B4GALT6: variants seen among roughly 807,000 people sequenced by gnomAD.
B4GALT6 encodes the protein beta-1,4-galactosyltransferase 6, also known as UDP-Gal:beta-GlcNAc beta-1,4-galactosyltransferase 6.
B4GALT6 carries 14 observed loss-of-function variants against 46.3 expected under a neutral mutation model. The observed-to-expected ratio is 0.30, with a 90% CI of 0.20 to 0.47. The LOEUF (loss-of-function observed/expected upper bound fraction) is 0.47. B4GALT6 is among the 20% of genes least tolerant of loss of function. B4GALT6 has a pLI of 0.99. For missense variants in B4GALT6, 386 were observed against 480.1 expected (o/e 0.80, Z 1.83); for synonymous variants, 168 against 162.0 (o/e 1.04, Z -0.28).
At chr18:31,638,569 A>G in intron 5 of B4GALT6, 75 bp downstream of exon 5, 1 of 1,190,862 alleles carries the variant, frequency 8.4e-7, no homozygotes, top group Non-Finnish European at 1.2e-6. Context: ...ATTAATCCTA[A>G]ATATGTTTAA....
the B4GALT6 span, among the ~76,000 whole-genome samples, chr18:31,715,370 C>A: frequency 6.6e-6 from 1 of 151,948 alleles, no homozygotes; most frequent in Non-Finnish European, 1.5e-5. Context: ...GGACTACAGG[C>A]ATGTACCAGC....
upstream of B4GALT6, among the ~76,000 whole-genome samples, chr18:31,685,463 G>C (rs868560250): frequency 6.6e-5 from 10 of 151,524 alleles, no homozygotes; most frequent in African/African-American, 2.4e-4. Flanking sequence ...CGCTCGCTCG[G>C]AACTCGGCAG....
intron 1 of B4GALT6, among the ~76,000 whole-genome samples, chr18:31,682,831 T>C (rs1042310100): frequency 3.3e-5 from 5 of 152,156 alleles, no homozygotes; most frequent in African/African-American, 9.7e-5. Context: ...AAAATTGCTA[T>C]AGAATGAAGA....
chr18:31,717,654 T>C, the B4GALT6 span, among the ~76,000 whole-genome samples: 1 of 152,264 alleles, frequency 6.6e-6, no homozygotes, highest in Middle Eastern at 3.4e-3. Flanking sequence ...ATACCATTTT[T>C]GTAAAAAAAT....
intron 3 of B4GALT6, among the ~76,000 whole-genome samples, chr18:31,656,708 G>T (rs1281411140): frequency 2.0e-5 from 3 of 151,920 alleles, no homozygotes; most frequent in Admixed American, 1.3e-4. Context: ...ATTTGAAAAG[G>T]TCATAATTTT....
intron 1 of B4GALT6, among the ~76,000 whole-genome samples, chr18:31,669,163 G>A (rs1250964897): frequency 3.9e-5 from 6 of 152,138 alleles, no homozygotes; most frequent in African/African-American, 1.2e-4. Context: ...ATACAATTTG[G>A]AGTATTTTGT....
At chr18:31,673,315 G>A (rs1316314577) in intron 1 of B4GALT6, among the ~76,000 whole-genome samples, 1 of 152,076 alleles carries the variant, frequency 6.6e-6, no homozygotes, top group Non-Finnish European at 1.5e-5. Context: ...TCATTGTGAG[G>A]ATGAGACATA....
rs376728618 is a variant in B4GALT6, at chr18:31,664,730, C to A, written c.232+1526G>T. On this transcript the variant is annotated intron_variant, in intron 2 of 8. Transcript: ENST00000306851. ...ATTTCCTTTCAGTTGAACAAACTTTCAGTGAACATTTTTACAATCAACTTA... is the reference window on the plus strand; with the variant it reads ...ATTTCCTTTCAGTTGAACAAACTTTAAGTGAACATTTTTACAATCAACTTA... 1.5e-4 allele frequency among the ~76,000 whole-genome samples: 23 copies of A among 152,310 alleles called. No homozygotes were observed. In the South Asian group the frequency reaches 1.7e-3, roughly 11 times the overall value.
chr18:31,703,089 TA>T, the B4GALT6 span, among the ~76,000 whole-genome samples: 11 of 152,012 alleles, frequency 7.2e-5, no homozygotes, highest in East Asian at 3.9e-4. Context: ...ATTCTTTTGA[TA>T]AAAAAAATAG....
the B4GALT6 span, among the ~76,000 whole-genome samples, chr18:31,715,572 T>C: frequency 9.7e-6 from 1 of 102,574 alleles, no homozygotes; most frequent in Non-Finnish European, 1.8e-5. Context: ...TTTTTTGAGA[T>C]GGAGTTTCGC....
the B4GALT6 span, among the ~76,000 whole-genome samples, chr18:31,709,593 GTGTGTGTGTGTATA>G: frequency 5.3e-4 from 35 of 65,568 alleles, no homozygotes; most frequent in African/African-American, 1.4e-3. Context: ...GTGTGTGTGT[GTGTGTGTGTGTATA>G]TATATATCCT....
At chr18:31,684,812 G>A (rs927246104), upstream of B4GALT6, 2 of 1,018,520 alleles carry the variant, frequency 2.0e-6, no homozygotes, top group East Asian at 9.0e-5. Context: ...GCGCCGCGGC[G>A]CCCCTGCGGA....
chr18:31,687,965 AT>A, upstream of B4GALT6, among the ~76,000 whole-genome samples: 1 of 152,006 alleles, frequency 6.6e-6, no homozygotes, highest in Non-Finnish European at 1.5e-5. Context: ...AAAATATCTA[AT>A]TTTTTTCAGT....
At chr18:31,718,997 C>T in the B4GALT6 span, 1 of 152,190 alleles carries the variant, frequency 6.6e-6, no homozygotes, top group Non-Finnish European at 1.5e-5. Context: ...TCCCTCACCC[C>T]TACATGTGCG....
chr18:31,694,517 T>C, the B4GALT6 span, among the ~76,000 whole-genome samples: 1 of 152,200 alleles, frequency 6.6e-6, no homozygotes, highest in African/African-American at 2.4e-5. Context: ...CTCTAAACTC[T>C]GCAGTTAGTT....
At chr18:31,706,564 GA>G in the B4GALT6 span, among the ~76,000 whole-genome samples, 4 of 152,146 alleles carry the variant, frequency 2.6e-5, no homozygotes, top group Admixed American at 2.6e-4. Context: ...CCAGGAGGTG[GA>G]GGCTGTAGTG....
intron 4 of B4GALT6, among the ~76,000 whole-genome samples, chr18:31,641,673 G>A (rs1301846757): frequency 6.6e-6 from 1 of 152,040 alleles, no homozygotes; most frequent in African/African-American, 2.4e-5. Flanking sequence ...GAGAATATCT[G>A]GTCATTATCT....
chr18:31,635,261 C>A (rs978199626), intron 5 of B4GALT6, among the ~76,000 whole-genome samples: 13 of 150,414 alleles, frequency 8.6e-5, no homozygotes, highest in East Asian at 5.9e-4. Context: ...AAAAAAAAAA[C>A]CAGAGACAGC....
chr18:31,658,145 C>G, intron 2 of B4GALT6, 56 bp from the exon 3 acceptor site: 1 of 1,291,272 alleles, frequency 7.7e-7, no homozygotes, highest in Non-Finnish European at 1.1e-6. Flanking sequence ...TGCTTTCTCC[C>G]TGGAATGAAA....
Sources: gnomAD v4.1 joint callset for allele counts (sites outside exome capture counted in the v4.1 genomes callset) on GRCh38, gnomAD v4.1.1 for gene constraint, MANE v1.5 for transcripts, NCBI Gene and HGNC (gene_info 2026-07-23, HGNC 2026-07-21) for gene names.